The following APOH variants were observed in gnomAD, a reference collection of about 807,000 sequenced individuals.
APOH encodes the protein beta-2-glycoprotein 1.
APOH carries 48 observed loss-of-function variants against 39.8 expected under a neutral mutation model. The observed-to-expected ratio is 1.21, with a 90% confidence interval of 0.96 to 1.54. The LOEUF (loss-of-function observed/expected upper bound fraction) is 1.54. APOH is among the 40% of genes most tolerant of loss of function. APOH has a pLI of 0.00. For synonymous variants in APOH, 153 were observed against 151.1 expected (o/e 1.01, Z -0.09); for missense variants, 415 against 421.2 (o/e 0.99, Z 0.13).
chr17:66,229,354 A>C lies in APOH; in HGVS notation c.26T>G (p.Phe9Cys). ...AGCAACATGGCAGAGAAAACTCGAGAACAAGATGAGCACTGGAGAAATCAT... is the reference window on the plus strand; with the variant it reads ...AGCAACATGGCAGAGAAAACTCGAGCACAAGATGAGCACTGGAGAAATCAT... Reference protein sequence around the residue: MISPVLILFSSFLCHVAIA... With the variant: MISPVLILCSSFLCHVAIA... Residue 9 changes from phenylalanine to cysteine, a missense_variant, in exon 1 of 8, where the codon TTC becomes TGC. Around this residue, in one of 3 missense-constraint regions of APOH, gnomAD observed 288 missense variants for 284.9 expected, o/e 1.01. Coordinates refer to ENST00000205948, the MANE Select transcript of APOH (RefSeq NM_000042.3). 2 of 1,613,964 alleles carry C rather than the reference A, an allele frequency of 1.2e-6. No individual in the cohort carries two copies. Among genetic ancestry groups the C allele is most frequent in the Non-Finnish European group, 1.7e-6 (2 of 1,179,886 alleles).
intron 4 of APOH, among the ~76,000 whole-genome samples, chr17:66,221,816 A>G (rs1420922778): frequency 1.3e-5 from 2 of 152,184 alleles, no homozygotes; most frequent in Non-Finnish European, 2.9e-5. Context: ...AAGTTATACT[A>G]GCATAAAAGA....
chr17:66,219,820 A>G (rs1656012693), intron 5 of APOH, among the ~76,000 whole-genome samples: 1 of 152,082 alleles, frequency 6.6e-6, no homozygotes, highest in Non-Finnish European at 1.5e-5. Context: ...TTGGGAGGCC[A>G]AGGCATGAGA....
chr17:66,214,518 T>C lies in APOH; in HGVS notation c.917A>G (p.Lys306Arg), dbSNP rs1881700966. The C allele has an allele frequency of 6.2e-7, 1 of 1,614,202 alleles. No individual in the cohort carries two copies. Residue 306 changes from lysine (K) to arginine (R), a missense_variant, in exon 7 of 8, where the codon AAG (lysine) becomes AGG (arginine). Around this residue, in one of 3 missense-constraint regions of APOH, gnomAD observed 120 missense variants for 110.6 expected, o/e 1.08. Coordinates refer to ENST00000205948, the MANE Select transcript of APOH (RefSeq NM_000042.3). ...VSFFCKNKEK[K>R]CSYTEDAQCI... ...CTGAGCATCCTCTGTATAGCTACAC[T>C]TCTTTTCCTTATTTTTGCAGAAGAA... is the stretch of plus-strand genomic sequence containing the variant.
At chr17:66,225,705 G>A (rs2073435078) in intron 3 of APOH, among the ~76,000 whole-genome samples, 1 of 151,988 alleles carries the variant, frequency 6.6e-6, no homozygotes, top group African/African-American at 2.4e-5. Context: ...GTGAAACCCC[G>A]TCTCTACTAA....
At chr17:66,212,473 C>G (rs184435948) in intron 7 of APOH, among the ~76,000 whole-genome samples, 4 of 152,242 alleles carry the variant, frequency 2.6e-5, no homozygotes, top group Admixed American at 2.0e-4. Flanking sequence ...CAACCTCTAC[C>G]TCCCAGGTTC....
At chr17:66,217,405 G>T (rs2073372496) in intron 5 of APOH, among the ~76,000 whole-genome samples, 1 of 142,540 alleles carries the variant, frequency 7.0e-6, no homozygotes, top group Non-Finnish European at 1.5e-5. Context: ...AAATCTTACT[G>T]TTATTCAATT....
At position 66,223,743 on chromosome 17, in the gene APOH, A is replaced by G. The variant is rs552047225; in HGVS notation, c.370T>C (p.Cys124Arg). 1.1e-5 allele frequency: 17 copies of G among 1,612,784 alleles called. No individual in the cohort carries two copies. The highest frequency in any genetic ancestry group is 2.7e-5 in the African/African-American group (2 of 74,944). ...GGGCTCCATTTTCCTTCCTCAGTGC[A>G]CTTGGCAGAATCAGCGCCATTCAGA... The part of the protein sequence containing the change: ...FYLNGADSAK[C>R]TEEGKWSPEL... The change falls in exon 4 of 8, where the codon TGC (cysteine) becomes CGC (arginine). Residue 124 changes from cysteine to arginine, a missense_variant. Coordinates refer to ENST00000205948, the MANE Select transcript of APOH (RefSeq NM_000042.3).
In APOH at chr17:66,220,602, T is replaced by C. The variant is rs1208379579; in HGVS notation, c.556A>G (p.Ile186Val). 6 of 1,614,186 alleles carry C rather than the reference T, an allele frequency of 3.7e-6. No individual in the cohort carries two copies. Among genetic ancestry groups the C allele is most frequent in the South Asian group, 1.1e-5 (1 of 91,078 alleles). The change falls in exon 5 of 8, where the codon ATT becomes GTT. Residue 186 changes from isoleucine to valine, a missense_variant. Ile to Val is a conservative substitution (Grantham distance 29). Transcript: ENST00000205948. ...PQHAMFGNDT[I>V]TCTTHGNWTK... ...CAATTTCCATGTGTCGTGCAGGTAA[T>C]TGTATCATTTCCAAACATCGCATGT...
intron 4 of APOH, among the ~76,000 whole-genome samples, chr17:66,221,338 G>A (rs1201396137): frequency 8.8e-6 from 1 of 113,028 alleles, no homozygotes; most frequent in African/African-American, 3.4e-5. Context: ...AAGAAAGAAA[G>A]AAAGGAAAGA....
In APOH at chr17:66,214,544, A is replaced by G. The variant is rs767911113; in HGVS notation, c.891T>C (p.Ser297=). The G allele has an allele frequency of 1.9e-5, 30 of 1,614,144 alleles. No homozygotes were observed. Among genetic ancestry groups the G allele is most frequent in the Non-Finnish European group, 1.9e-5 (23 of 1,180,000 alleles). Reference sequence around the variant, plus strand: ...TCTTTTCCTTATTTTTGCAGAAGAAAGAAACTTTATCACCATGTAGCATTC... The same window carrying G: ...TCTTTTCCTTATTTTTGCAGAAGAAGGAAACTTTATCACCATGTAGCATTC... ...KNGMLHGDKV[S]FFCKNKEKKC... Residue 297 remains serine (S), a synonymous_variant, in exon 7 of 8, where the codon TCT becomes TCC. Transcript: ENST00000205948.
At chr17:66,221,399 GGAAGGAAGGAAGGA>G (rs2073401159) in intron 4 of APOH, among the ~76,000 whole-genome samples, 1 of 75,552 alleles carries the variant, frequency 1.3e-5, no homozygotes, top group Non-Finnish European at 2.4e-5. Flanking sequence ...AAGGAAGGAA[GGAAGGAAGGAAGGA>G]AGGAAGGAAG....
chr17:66,225,130 G>A (rs2073432067), intron 3 of APOH, among the ~76,000 whole-genome samples: 1 of 151,950 alleles, frequency 6.6e-6, no homozygotes, highest in Non-Finnish European at 1.5e-5. Flanking sequence ...AAGGTCATTT[G>A]TTACCAGACC....
intron 3 of APOH, 113 bp from the exon 4 acceptor site, chr17:66,223,887 C>T (rs2073418814): frequency 1.1e-6 from 1 of 924,062 alleles, no homozygotes. Context: ...TCTTTTCCAT[C>T]GTATAATGCT....
chr17:66,224,815 T>C (rs1198411911), intron 3 of APOH, among the ~76,000 whole-genome samples: 1 of 151,232 alleles, frequency 6.6e-6, no homozygotes, highest in Non-Finnish European at 1.5e-5. Flanking sequence ...ACACCTGTAA[T>C]CCCAGCACTT....
intron 1 of APOH, among the ~76,000 whole-genome samples, chr17:66,228,889 A>G (rs2073456068): frequency 6.6e-6 from 1 of 151,424 alleles, no homozygotes; most frequent in African/African-American, 2.4e-5. Flanking sequence ...CTGGAGTGCA[A>G]TGGGGGGACC....
rs71160544 is a variant in APOH at position 66,224,691 on chromosome 17, G to GGGAAA, written c.339-922_339-918dup. Reference sequence around the variant, plus strand: ...GGGAAGGGAAGGGAAGGGAAGGGAAGGGAAAGGAAAGGAAAGGAAAGGAAA... The same window carrying GGGAAA: ...GGGAAGGGAAGGGAAGGGAAGGGAAGGGAAAGGAAAGGAAAGGAAAGGAAAGGAAA... On this transcript the variant is annotated intron_variant, in intron 3 of 7. Coordinates refer to ENST00000205948, the MANE Select transcript of APOH (RefSeq NM_000042.3). Among the ~76,000 whole-genome samples, 70 of 32,830 alleles carry GGGAAA rather than the reference G, an allele frequency of 2.1e-3. 6 individuals carry two copies. The highest frequency in any genetic ancestry group is 3.1e-3 in the Non-Finnish European group (43 of 13,958). The allele number at this position is 32,830 out of a possible 152,430, so 21.5% of individuals were successfully genotyped here.
At chr17:66,213,658 G>A (rs557743562) in intron 7 of APOH, among the ~76,000 whole-genome samples, 2 of 152,244 alleles carry the variant, frequency 1.3e-5, no homozygotes, top group African/African-American at 4.8e-5. Flanking sequence ...TAGAAAAGAG[G>A]CTGGGCGCGT....
At chr17:66,213,801 G>C (rs1035535596) in intron 7 of APOH, among the ~76,000 whole-genome samples, 5 of 152,034 alleles carry the variant, frequency 3.3e-5, no homozygotes, top group Non-Finnish European at 7.4e-5. Context: ...AGCTGGACAT[G>C]GTGGTGCGTG....
Position 66,226,029 on chromosome 17 carries a change from C to T in APOH, c.337G>A (p.Gly113Arg). 1 of 1,608,710 alleles carries T rather than the reference C, an allele frequency of 6.2e-7. No homozygotes were observed. Among genetic ancestry groups the T allele is most frequent in the East Asian group, 2.2e-5 (1 of 44,824 alleles). Residue 113 changes from glycine to arginine, a missense_variant and splice_region_variant, in exon 3 of 8, where the codon GGG becomes AGG. Around this residue, in one of 3 missense-constraint regions of APOH, gnomAD observed 288 missense variants for 284.9 expected, o/e 1.01. Coordinates refer to ENST00000205948, the MANE Select transcript of APOH (RefSeq NM_000042.3). ...GCTTAGTTCCATGAAAGTTCTTACCCAGTGTTACAAGAAAAACTGATCGTG... is the reference window on the plus strand; with the variant it reads ...GCTTAGTTCCATGAAAGTTCTTACCTAGTGTTACAAGAAAAACTGATCGTG... ...PNTISFSCNTGFYLNGADSAK... is the reference protein window; with the variant it reads ...PNTISFSCNTRFYLNGADSAK...
Sources: gnomAD v4.1 joint callset for allele counts (sites outside exome capture counted in the v4.1 genomes callset) on GRCh38, gnomAD v4.1.1 for gene constraint, gnomAD v4.1.1 regional missense constraint, MANE v1.5 for transcripts, NCBI Gene and HGNC (gene_info 2026-07-23, HGNC 2026-07-21) for gene names.